Variants in SLC26A5 observed in about 807,000 individuals in gnomAD.
SLC26A5 encodes solute carrier family 26 member 5.
A neutral mutation model predicts 81.0 loss-of-function variants in SLC26A5; 51 were observed. The ratio of observed to expected loss-of-function variants is 0.63; its 90% CI spans 0.50 to 0.80. The LOEUF (loss-of-function observed/expected upper bound fraction) is 0.80, where lower values mean the gene tolerates loss of function less well. SLC26A5 is among the 30% of genes least tolerant of loss of function. SLC26A5 has a pLI of 0.00. For missense variants in SLC26A5, 771 were observed against 905.8 expected (o/e 0.85, Z 1.91); for synonymous variants, 325 against 332.8 (o/e 0.98, Z 0.25).
chr7:103,354,396 G>A (rs928529581), intron 19 of SLC26A5, among the ~76,000 whole-genome samples: 6 of 140,520 alleles, frequency 4.3e-5, no homozygotes, highest in African/African-American at 1.6e-4. Flanking sequence ...GAAACGGAGT[G>A]TTGCTCTTGT....
At chr7:103,404,195 AT>A (rs1425161905) in intron 8 of SLC26A5, among the ~76,000 whole-genome samples, 9 of 152,210 alleles carry the variant, frequency 5.9e-5, no homozygotes, top group South Asian at 2.1e-4. Flanking sequence ...AAAAAAAAAA[AT>A]ATTGTTATGT....
At chr7:103,393,188 A>T in intron 9 of SLC26A5, 122 bp from the exon 10 acceptor site, 3 of 1,232,944 alleles carry the variant, frequency 2.4e-6, no homozygotes, top group Non-Finnish European at 3.4e-6. Context: ...CAATGCTTGG[A>T]TACTTATTTG....
In SLC26A5 at chr7:103,385,698, TTTTC is replaced by T. The variant is rs1291505422; in HGVS notation, c.1514+3306_1514+3309del. Among the ~76,000 whole-genome samples, 42 of 146,808 alleles carry T rather than the reference TTTTC, an allele frequency of 2.9e-4. 1 individual carries two copies. The highest frequency in any genetic ancestry group is 1.0e-3 in the African/African-American group (39 of 37,378). On this transcript the variant is annotated intron_variant, in intron 14 of 19. Coordinates refer to ENST00000306312, the MANE Select transcript of SLC26A5 (RefSeq NM_198999.3). Reference sequence around the variant, plus strand: ...GTAGAGCTTTTATTTTTTTCTTTTCTTTTCTTTTTTTTTTTTTTTTGAGACAGGG... The same window carrying T: ...GTAGAGCTTTTATTTTTTTCTTTTCTTTTTTTTTTTTTTTTTGAGACAGGG...
At chr7:103,425,021 A>G (rs1562799138) in intron 2 of SLC26A5, among the ~76,000 whole-genome samples, 1 of 152,216 alleles carries the variant, frequency 6.6e-6, no homozygotes, top group Non-Finnish European at 1.5e-5. Context: ...CATAGCAGAG[A>G]AAACACTTAA....
At chr7:103,423,458 T>A (rs1209297405) in intron 2 of SLC26A5, among the ~76,000 whole-genome samples, 1 of 152,198 alleles carries the variant, frequency 6.6e-6, no homozygotes. Context: ...ACTGTTTTTG[T>A]CTCTTTCAAA....
At chr7:103,430,239 T>G (rs1293507036) in intron 2 of SLC26A5, among the ~76,000 whole-genome samples, 2 of 152,054 alleles carry the variant, frequency 1.3e-5, no homozygotes, top group Non-Finnish European at 2.9e-5. Flanking sequence ...CCACCATACC[T>G]GGCTAATTTT....
chr7:103,430,326 G>A (rs376334257), intron 2 of SLC26A5, among the ~76,000 whole-genome samples: 5 of 152,138 alleles, frequency 3.3e-5, no homozygotes, highest in Non-Finnish European at 7.4e-5. Flanking sequence ...TGAGCCGCCC[G>A]CCTCGGCCTC....
chr7:103,413,076 A>T lies in SLC26A5; in HGVS notation c.329T>A (p.Ile110Lys), dbSNP rs1401694189. Residue 110 changes from isoleucine (I) to lysine (K), a missense_variant, in exon 5 of 20, where the codon ATA becomes AAA. Physicochemically the swap from Ile to Lys is moderately radical, Grantham distance 102 (BLOSUM62 -3). Transcript: ENST00000306312. Reference sequence around the variant, plus strand: ...GTAAAATGAAGAGTACAGGCCAAATATTGGAGGCACAGCTGCCAGCATTGC... The same window carrying T: ...GTAAAATGAAGAGTACAGGCCAAATTTTGGAGGCACAGCTGCCAGCATTGC... Reference protein sequence around the residue: ...AFAMLAAVPPIFGLYSSFYPV... With the variant: ...AFAMLAAVPPKFGLYSSFYPV... The T allele has an allele frequency of 2.5e-6, 4 of 1,614,008 alleles. No individual in the cohort carries two copies. The highest frequency in any genetic ancestry group is 1.7e-4 in the Middle Eastern group (1 of 6,056).
intron 2 of SLC26A5, among the ~76,000 whole-genome samples, chr7:103,441,094 A>C (rs550406248): frequency 7.9e-4 from 120 of 152,334 alleles, no homozygotes; most frequent in Non-Finnish European, 1.4e-3. Context: ...GAATAGGCTT[A>C]TAGCAGAGAT....
intron 17 of SLC26A5, 94 bp downstream of exon 17, chr7:103,378,352 A>G (rs961139821): frequency 2.4e-6 from 3 of 1,244,546 alleles, no homozygotes; most frequent in Non-Finnish European, 3.5e-6. Flanking sequence ...TCTTTTAGTA[A>G]CTTCGTGCTG....
At chr7:103,427,730 T>G (rs1244398201) in intron 2 of SLC26A5, among the ~76,000 whole-genome samples, 1 of 152,152 alleles carries the variant, frequency 6.6e-6, no homozygotes, top group Non-Finnish European at 1.5e-5. Flanking sequence ...GTACCTTAAG[T>G]GTCTCAGTTG....
chr7:103,354,854 C>A lies in SLC26A5; in HGVS notation c.2042-1928G>T. 4 of 1,575,990 alleles carry A rather than the reference C, an allele frequency of 2.5e-6. No individual in the cohort carries two copies. The East Asian group carries it at 9.0e-5, about 35-fold the overall frequency. On this transcript the variant is annotated intron_variant, in intron 19 of 19. Coordinates refer to the SLC26A5 transcript ENST00000339444. Reference sequence around the variant, plus strand: ...TATCCTGATATTCTAACTAAACTGACCTTCATCACCTAGGGTCAGAGCACT... The same window carrying A: ...TATCCTGATATTCTAACTAAACTGAACTTCATCACCTAGGGTCAGAGCACT...
intron 9 of SLC26A5, 61 bp downstream of exon 9, chr7:103,397,871 T>TTAGTTAG: frequency 8.3e-7 from 1 of 1,211,548 alleles, no homozygotes; most frequent in Admixed American, 1.7e-5. Flanking sequence ...AATGTAAGAG[T>TTAGTTAG]TAGAGGCAAT....
chr7:103,426,051 G>T (rs1034688784), intron 2 of SLC26A5, among the ~76,000 whole-genome samples: 1 of 152,158 alleles, frequency 6.6e-6, no homozygotes, highest in African/African-American at 2.4e-5. Context: ...TAAATTCTGT[G>T]CAATGCATTA....
intron 2 of SLC26A5, chr7:103,433,492 T>G (rs926397719): frequency 2.0e-5 from 3 of 152,112 alleles, no homozygotes; most frequent in African/African-American, 7.2e-5. Flanking sequence ...AGTGGGAATG[T>G]AGAAGGAACA....
chr7:103,424,264 C>T (rs1825564485), intron 2 of SLC26A5, among the ~76,000 whole-genome samples: 1 of 152,132 alleles, frequency 6.6e-6, no homozygotes, highest in Admixed American at 6.5e-5. Context: ...CACTTATAAT[C>T]CTTTATGAAA....
At chr7:103,388,888 A>T in intron 14 of SLC26A5, 120 bp downstream of exon 14, 1 of 728,932 alleles carries the variant, frequency 1.4e-6, no homozygotes, top group Non-Finnish European at 2.5e-6. Context: ...GCTCCCTCTC[A>T]CGCTAACTAG....
At position 103,374,435 on chromosome 7, in the gene SLC26A5, C is replaced by G; in HGVS notation, c.2199G>C (p.Leu733Phe). 2 of 1,612,740 alleles carry G rather than the reference C, an allele frequency of 1.2e-6. No homozygotes were observed. Among genetic ancestry groups the G allele is most frequent in the East Asian group, 4.5e-5 (2 of 44,872 alleles). The part of the protein sequence containing the change: ...EASAPPSQED[L>F]EPNATPATPE... ...GAGTGGCAGGAGTGGCATTGGGCTC[C>G]AAGTCCTCCTGGGAAGGGGGAGCCG... The change falls in exon 20 of 20, where the codon TTG (leucine) becomes TTC (phenylalanine). Residue 733 changes from leucine to phenylalanine, a missense_variant. Physicochemically the swap from Leu to Phe is conservative, Grantham distance 22 (BLOSUM62 0). Transcript: ENST00000306312.
chr7:103,440,572 T>C (rs1367332885), intron 2 of SLC26A5, among the ~76,000 whole-genome samples: 4 of 152,218 alleles, frequency 2.6e-5, no homozygotes, highest in Non-Finnish European at 2.9e-5. Flanking sequence ...TTTTAAGAAG[T>C]AGGTCAGGAA....
Sources: allele counts gnomAD v4.1 joint callset (sites outside exome capture counted in the v4.1 genomes callset), GRCh38; gene constraint gnomAD v4.1.1; transcripts MANE v1.5; gene names NCBI Gene and HGNC (gene_info 2026-07-23, HGNC 2026-07-21).